The following CCDC146 variants were observed in gnomAD, a reference collection of about 807,000 sequenced individuals.
The protein encoded by CCDC146 is coiled-coil domain containing 146, also known as coiled-coil domain-containing protein 146.
In CCDC146, 92 loss-of-function variants were observed where a neutral mutation model predicts 119.3. That is an observed-to-expected ratio of 0.77 (90% CI 0.65 to 0.92). The LOEUF (loss-of-function observed/expected upper bound fraction) is 0.92, where lower values mean the gene tolerates loss of function less well. CCDC146 is among the 40% of genes least tolerant of loss of function. The probability of loss-of-function intolerance (pLI) is 0.00; values close to 1 mark genes in which losing one functional copy is unlikely to be tolerated. For synonymous variants in CCDC146, 372 were observed against 371.8 expected (o/e 1.00, Z -0.01); for missense variants, 1,000 against 1,103.0 (o/e 0.91, Z 1.32).
At chr7:77,241,953 A>C (rs1792858047) in intron 4 of CCDC146, 53 bp downstream of exon 4, 3 of 1,401,582 alleles carry the variant, frequency 2.1e-6, no homozygotes, top group African/African-American at 2.9e-5. Context: ...TCATAAATAG[A>C]AAAAAATCAG....
rs1246969871 is a variant in CCDC146 at position 77,258,995 on chromosome 7, G to T, written c.685G>T (p.Asp229Tyr). The change falls in exon 7 of 19, where the codon GAT (aspartate) becomes TAT (tyrosine). Residue 229 changes from aspartate to tyrosine, a missense_variant and splice_region_variant. Physicochemically the swap from Asp to Tyr is radical, Grantham distance 160. Transcript: ENST00000285871. ...ELLGHQVVLKDEVAHHQTIPV... is the reference protein window; with the variant it reads ...ELLGHQVVLKYEVAHHQTIPV... ...TAACATGATTTCGTTTCTTTACTAG[G>T]ATGAAGTGGCCCACCATCAAACCAT... 1 of 1,609,050 alleles carries T rather than the reference G, an allele frequency of 6.2e-7. No individual in the cohort carries two copies. The highest frequency in any genetic ancestry group is 1.1e-5 in the South Asian group (1 of 90,608).
intron 2 of CCDC146, among the ~76,000 whole-genome samples, chr7:77,215,828 A>C (rs1012855297): frequency 6.6e-6 from 1 of 152,104 alleles, no homozygotes; most frequent in East Asian, 1.9e-4. Flanking sequence ...GGCAAAATCT[A>C]CTTAGGATTC....
At chr7:77,127,689 C>T (rs924595511) in intron 1 of CCDC146, among the ~76,000 whole-genome samples, 5 of 152,058 alleles carry the variant, frequency 3.3e-5, no homozygotes, top group African/African-American at 1.2e-4. Flanking sequence ...GCTCAGAAGT[C>T]AATACGCTTT....
chr7:77,287,931 G>A (rs960717373), intron 17 of CCDC146, among the ~76,000 whole-genome samples: 1 of 152,124 alleles, frequency 6.6e-6, no homozygotes, highest in African/African-American at 2.4e-5. Context: ...AGTGATCTTA[G>A]TAGGGACTGC....
chr7:77,175,390 G>T lies in CCDC146; in HGVS notation c.156+7566G>T, dbSNP rs994837280. Among the ~76,000 whole-genome samples the T allele has an allele frequency of 1.1e-4, 16 of 149,430 alleles. 3 individuals carry two copies. Among genetic ancestry groups the T allele is most frequent in the African/African-American group, 4.0e-4 (16 of 39,616 alleles). On this transcript the variant is annotated intron_variant, in intron 2 of 18. Transcript: ENST00000285871. The stretch of plus-strand genomic sequence containing the variant: ...GGCATAGGAGCATTGCATTTGGGAG[G>T]CATAAAAGGGAGAACAAACATTGTA...
chr7:77,238,405 CCTGCCCTCTGGATAGCTCTT>C (rs1246955543), intron 3 of CCDC146, among the ~76,000 whole-genome samples: 4 of 152,140 alleles, frequency 2.6e-5, no homozygotes, highest in Non-Finnish European at 5.9e-5. Context: ...ATCAGTGTTT[CCTGCCCTCTGGATAGCTCTT>C]CTTTTTTTTT....
At chr7:77,163,869 T>C (rs1254595859) in intron 1 of CCDC146, among the ~76,000 whole-genome samples, 1 of 146,660 alleles carries the variant, frequency 6.8e-6, no homozygotes, top group Non-Finnish European at 1.5e-5. Flanking sequence ...TCTTTTTTTT[T>C]TTTTTTTTGA....
chr7:77,254,581 T>C lies in CCDC146; in HGVS notation c.507+18T>C, dbSNP rs372014999. 15 of 1,346,898 alleles carry C rather than the reference T, an allele frequency of 1.1e-5. No homozygotes were observed. In the African/African-American group the frequency reaches 1.2e-4, roughly 11 times the overall value. 83.4% of individuals were successfully genotyped at this position (1,346,898 alleles called of 1,614,324 possible). A position where few individuals can be genotyped will look rare whatever the true frequency, so the allele number is the denominator to read the frequency against. Reference sequence around the variant, plus strand: ...AGCCAGGAGTAAGTCTTAGATGATATAGAGTTTCTTAAATACAGCTGGATT... The same window carrying C: ...AGCCAGGAGTAAGTCTTAGATGATACAGAGTTTCTTAAATACAGCTGGATT... On this transcript the variant is annotated intron_variant, in intron 5 of 18. Coordinates refer to ENST00000285871, the MANE Select transcript of CCDC146 (RefSeq NM_020879.3).
chr7:77,252,576 C>A (rs75787626), intron 4 of CCDC146, among the ~76,000 whole-genome samples: 4,318 of 152,176 alleles, frequency 0.028, 168 homozygotes, highest in East Asian at 0.15. Context: ...TTGATATACA[C>A]AACTGGAATT....
intron 9 of CCDC146, among the ~76,000 whole-genome samples, chr7:77,265,316 G>C (rs1793380331): frequency 6.6e-6 from 1 of 152,196 alleles, no homozygotes; most frequent in South Asian, 2.1e-4. Flanking sequence ...TAACTGTTCA[G>C]TAAGATTTCT....
chr7:77,133,484 T>C (rs1790815711), intron 1 of CCDC146, among the ~76,000 whole-genome samples: 1 of 151,996 alleles, frequency 6.6e-6, no homozygotes. Context: ...ACTTAGTAGC[T>C]GGGACTACAG....
At chr7:77,161,760 A>T (rs1467813928) in intron 1 of CCDC146, among the ~76,000 whole-genome samples, 1 of 152,106 alleles carries the variant, frequency 6.6e-6, no homozygotes. Context: ...CACATTGTGC[A>T]CATGTACCCT....
At chr7:77,156,409 T>C (rs1157507010) in intron 1 of CCDC146, among the ~76,000 whole-genome samples, 2 of 152,142 alleles carry the variant, frequency 1.3e-5, no homozygotes, top group African/African-American at 2.4e-5. Flanking sequence ...AGGACTCTTT[T>C]CTTTTCAGGA....
chr7:77,167,571 T>G, intron 1 of CCDC146, 87 bp from the exon 2 acceptor site: 2 of 1,014,666 alleles, frequency 2.0e-6, no homozygotes, highest in Non-Finnish European at 2.6e-6. Context: ...ATTCCAGTTT[T>G]TTGTTTATTT....
chr7:77,293,265 A>AT (rs1562865398), intron 18 of CCDC146, 65 bp downstream of exon 18: 5 of 1,564,372 alleles, frequency 3.2e-6, no homozygotes, highest in African/African-American at 2.7e-5. Flanking sequence ...CAGGCAACCC[A>AT]CAGTTATCCC....
At chr7:77,144,511 G>A (rs1790984923) in intron 1 of CCDC146, among the ~76,000 whole-genome samples, 1 of 151,738 alleles carries the variant, frequency 6.6e-6, no homozygotes, top group Non-Finnish European at 1.5e-5. Context: ...CAAAGGAAAT[G>A]CTTCCAGTTT....
chr7:77,259,830 A>G (rs1793254045), intron 7 of CCDC146, 179 bp from the exon 8 acceptor site: 1 of 556,646 alleles, frequency 1.8e-6, no homozygotes, highest in African/African-American at 1.9e-5. Context: ...AGTCCCACCC[A>G]TCTGTGGTCT....
intron 15 of CCDC146, among the ~76,000 whole-genome samples, chr7:77,286,296 T>G (rs76190866): frequency 0.27 from 40,325 of 151,960 alleles, 6,789 homozygotes; most frequent in African/African-American, 0.47. Context: ...AATTCATAGA[T>G]TGAGAACTCA....
intron 2 of CCDC146, among the ~76,000 whole-genome samples, chr7:77,179,009 G>A (rs773659281): frequency 3.3e-5 from 5 of 152,098 alleles, no homozygotes; most frequent in Non-Finnish European, 7.4e-5. Flanking sequence ...TAAACAGAAG[G>A]GAGCAGGATT....
Sources: gnomAD v4.1 joint callset for allele counts (sites outside exome capture counted in the v4.1 genomes callset) on GRCh38, gnomAD v4.1.1 for gene constraint, MANE v1.5 for transcripts, NCBI Gene and HGNC (gene_info 2026-07-23, HGNC 2026-07-21) for gene names.